TYW1: variants seen among roughly 807,000 people sequenced by gnomAD.
The protein encoded by TYW1 is tRNA-yW synthesizing protein 1 homolog.
Under a neutral mutation model 96.2 loss-of-function variants are expected in TYW1, and 46 were observed. The ratio of observed to expected loss-of-function variants is 0.48; its 90% CI spans 0.38 to 0.61. The LOEUF is 0.61. Among genes scored for constraint, TYW1 ranks in the 20% least tolerant of loss-of-function variants. The pLI is 0.00. For missense variants in TYW1, 684 were observed against 909.6 expected, an observed-to-expected ratio of 0.75 and a Z score of 3.19; for synonymous variants, 274 against 323.0, an observed-to-expected ratio of 0.85 and a Z score of 1.63.
At chr7:67,097,002 A>G (rs1265141053) in intron 11 of TYW1, among the ~76,000 whole-genome samples, 2 of 151,952 alleles carry the variant, frequency 1.3e-5, no homozygotes, top group Non-Finnish European at 2.9e-5. Flanking sequence ...ACTGTGATTT[A>G]ATATGTTTGG....
Position 67,086,154 on chromosome 7 carries a change from C to T in TYW1, c.1384+2615C>T, listed in dbSNP as rs143155758. Among the ~76,000 whole-genome samples, 510 of 151,976 alleles carry T rather than the reference C, an allele frequency of 3.4e-3. 4 individuals carry two copies. The highest frequency in any genetic ancestry group is 0.01 in the Middle Eastern group (3 of 294). On this transcript the variant is annotated intron_variant, in intron 11 of 15. Coordinates refer to ENST00000359626, the MANE Select transcript of TYW1 (RefSeq NM_018264.4). ...TTTAGTTTCAAGCATTTTTCGATGG[C>T]GGGAGGTGGGGTACAAGTTACATTC...
intron 13 of TYW1, among the ~76,000 whole-genome samples, chr7:67,147,912 GAATC>G (rs1305848206): frequency 1.3e-5 from 2 of 148,444 alleles, no homozygotes; most frequent in Admixed American, 6.7e-5. Flanking sequence ...AAGAAGGAAA[GAATC>G]AAGGTAAAAG....
chr7:67,066,495 A>C (rs1795873616), intron 9 of TYW1, among the ~76,000 whole-genome samples: 1 of 152,134 alleles, frequency 6.6e-6, no homozygotes, highest in Admixed American at 6.6e-5. Context: ...CTTTTTGGAA[A>C]TGGGAATAAT....
intron 7 of TYW1, among the ~76,000 whole-genome samples, chr7:67,045,385 A>G (rs889410619): frequency 1.3e-5 from 2 of 152,014 alleles, no homozygotes; most frequent in Non-Finnish European, 2.9e-5. Context: ...TAATTAAAAA[A>G]AAATTTTTTT....
intron 7 of TYW1, among the ~76,000 whole-genome samples, chr7:67,046,192 A>G (rs1172616374): frequency 1.3e-5 from 2 of 152,122 alleles, no homozygotes; most frequent in Non-Finnish European, 2.9e-5. Flanking sequence ...ATGCCAAGAC[A>G]TGATCTGATT....
chr7:67,117,289 A>T (rs936852593), intron 12 of TYW1, among the ~76,000 whole-genome samples, 194 bp from the exon 13 acceptor site: 3 of 152,200 alleles, frequency 2.0e-5, no homozygotes, highest in Non-Finnish European at 4.4e-5. Flanking sequence ...CCAGTCATTT[A>T]AAAAATAACC....
At chr7:67,117,014 C>G (rs971016849) in intron 12 of TYW1, among the ~76,000 whole-genome samples, 4 of 152,038 alleles carry the variant, frequency 2.6e-5, no homozygotes, top group African/African-American at 4.8e-5. Flanking sequence ...TTGAGTAAGG[C>G]CTGAGCTTTT....
intron 15 of TYW1, among the ~76,000 whole-genome samples, chr7:67,234,780 CAGA>C (rs3070653): frequency 0.27 from 40,592 of 151,808 alleles, 5,747 homozygotes; most frequent in African/African-American, 0.36. Flanking sequence ...TCTTTTAGTG[CAGA>C]AGCTTTCACA....
At chr7:67,152,225 C>T (rs2116171608) in intron 13 of TYW1, among the ~76,000 whole-genome samples, 1 of 152,222 alleles carries the variant, frequency 6.6e-6, no homozygotes, top group Non-Finnish European at 1.5e-5. Context: ...ACTATGTTTA[C>T]ATGGTATTTA....
intron 15 of TYW1, among the ~76,000 whole-genome samples, chr7:67,228,999 C>G (rs1200534135): frequency 6.6e-6 from 1 of 152,184 alleles, no homozygotes; most frequent in Non-Finnish European, 1.5e-5. Context: ...ATGTACTTCA[C>G]TGTGCCAGTT....
chr7:67,113,395 G>C (rs1797485825), intron 12 of TYW1, among the ~76,000 whole-genome samples: 1 of 152,188 alleles, frequency 6.6e-6, no homozygotes, highest in East Asian at 1.9e-4. Flanking sequence ...AGGACTTGTT[G>C]TTTTGGCTTC....
At chr7:67,071,073 G>A (rs1487402633) in intron 10 of TYW1, among the ~76,000 whole-genome samples, 1 of 151,882 alleles carries the variant, frequency 6.6e-6, no homozygotes, top group Non-Finnish European at 1.5e-5. Flanking sequence ...GGAGCTTGCA[G>A]TGAGCCTAGA....
chr7:67,099,933 C>T lies in TYW1; in HGVS notation c.1562+1215C>T, dbSNP rs192263346. Among the ~76,000 whole-genome samples, 592 of 151,856 alleles carry T rather than the reference C, an allele frequency of 3.9e-3. 2 individuals are homozygous for T. Among genetic ancestry groups the T allele is most frequent in the Non-Finnish European group, 5.2e-3 (354 of 67,928 alleles). On this transcript the variant is annotated intron_variant, in intron 12 of 15. Coordinates refer to ENST00000359626, the MANE Select transcript of TYW1 (RefSeq NM_018264.4). ...AGGAGAATCGCTTGAACCCGGGAGG[C>T]GGAGGTTTCAGTGAGCCGAGATCGC...
chr7:67,034,572 A>G (rs1359213058), intron 7 of TYW1, among the ~76,000 whole-genome samples: 5 of 151,888 alleles, frequency 3.3e-5, no homozygotes, highest in Middle Eastern at 3.2e-3. Context: ...TTTTGGTATA[A>G]TTTTGTTTTT....
intron 12 of TYW1, among the ~76,000 whole-genome samples, chr7:67,103,508 A>G (rs957178717): frequency 1.3e-5 from 2 of 152,230 alleles, no homozygotes; most frequent in Admixed American, 6.5e-5. Flanking sequence ...GTCTTCAGAC[A>G]GCCTTTACTT....
intron 12 of TYW1, among the ~76,000 whole-genome samples, chr7:67,101,176 TGCTTATTAAG>T (rs1248048049): frequency 6.6e-6 from 1 of 152,168 alleles, no homozygotes; most frequent in Non-Finnish European, 1.5e-5. Context: ...GAAAGGAATG[TGCTTATTAAG>T]GCCCACTGTT....
At chr7:67,103,087 C>G (rs537935464) in intron 12 of TYW1, among the ~76,000 whole-genome samples, 41 of 152,262 alleles carry the variant, frequency 2.7e-4, no homozygotes, top group South Asian at 8.3e-4. Context: ...AGAAAGTAGC[C>G]ATTCTAGATT....
chr7:67,105,299 A>C (rs1797202053), intron 12 of TYW1, among the ~76,000 whole-genome samples: 1 of 152,218 alleles, frequency 6.6e-6, no homozygotes, highest in Non-Finnish European at 1.5e-5. Flanking sequence ...CTTGTCAAGG[A>C]GTATAACCTT....
At position 67,022,879 on chromosome 7, in the gene TYW1, G is replaced by A. The variant is rs368530199; in HGVS notation, c.862-2021G>A. 8.5e-5 allele frequency among the ~76,000 whole-genome samples: 13 copies of A among 152,298 alleles called. No homozygotes were observed. In the East Asian group the frequency reaches 1.3e-3, roughly 16 times the overall value. On this transcript the variant is annotated intron_variant, in intron 6 of 15. Coordinates refer to ENST00000359626, the MANE Select transcript of TYW1 (RefSeq NM_018264.4). Reference sequence around the variant, plus strand: ...AGCCAGCCACAGCGCCACTTCTGTAGTCTCAGGCTTGGTTTCAAATAGGAG... The same window carrying A: ...AGCCAGCCACAGCGCCACTTCTGTAATCTCAGGCTTGGTTTCAAATAGGAG...
Sources: allele counts gnomAD v4.1 joint callset (sites outside exome capture counted in the v4.1 genomes callset), GRCh38; gene constraint gnomAD v4.1.1; transcripts MANE v1.5; gene names NCBI Gene and HGNC (gene_info 2026-07-23, HGNC 2026-07-21).